The following TMEM167A variants were observed in gnomAD, a reference collection of about 807,000 sequenced individuals.
TMEM167A encodes transmembrane protein 167A.
Under a neutral mutation model 11.6 loss-of-function variants are expected in TMEM167A, and 8 were observed. The ratio of observed to expected loss-of-function variants is 0.69; its 90% CI spans 0.40 to 1.24. The LOEUF is 1.24. Ranked by LOEUF, TMEM167A falls within the 50% of genes most tolerant of loss-of-function variation. The pLI is 0.01. For missense variants in TMEM167A, 62 were observed against 87.0 expected (o/e 0.71, Z 1.14); for synonymous variants, 22 against 28.0 (o/e 0.79, Z 0.67).
intron 2 of TMEM167A, among the ~76,000 whole-genome samples, chr5:83,063,073 A>G (rs376222832): frequency 2.4e-4 from 37 of 152,230 alleles, no homozygotes; most frequent in African/African-American, 8.2e-4. Flanking sequence ...AATGGAATTA[A>G]GCAAAAACAT....
chr5:83,074,295 C>T (rs976796685), intron 1 of TMEM167A, among the ~76,000 whole-genome samples: 1 of 152,150 alleles, frequency 6.6e-6, no homozygotes, highest in Non-Finnish European at 1.5e-5. Context: ...GCTGTCCCAC[C>T]TCTAGCTAAT....
intron 3 of TMEM167A, 43 bp downstream of exon 3, chr5:83,061,834 C>A (rs372070567): frequency 1.3e-6 from 2 of 1,568,036 alleles, no homozygotes; most frequent in Non-Finnish European, 1.8e-6. Context: ...AATTGGTCAA[C>A]AATTTACAGC....
intron 2 of TMEM167A, 126 bp from the exon 3 acceptor site, chr5:83,062,037 T>A (rs1401022099): frequency 1.4e-6 from 1 of 739,158 alleles, no homozygotes; most frequent in African/African-American, 1.8e-5. Flanking sequence ...TGCTTCAAAT[T>A]TGAAATCTCC....
At chr5:83,075,419 T>C (rs535434026) in intron 1 of TMEM167A, among the ~76,000 whole-genome samples, 71 of 152,346 alleles carry the variant, frequency 4.7e-4, no homozygotes, top group African/African-American at 1.7e-3. Flanking sequence ...AAATTATTAC[T>C]GCTGATAAAC....
At chr5:83,060,176 T>G (rs1403693662) in intron 3 of TMEM167A, among the ~76,000 whole-genome samples, 1 of 151,846 alleles carries the variant, frequency 6.6e-6, no homozygotes. Context: ...AACACAATAC[T>G]CTAAAGGGAA....
At chr5:83,070,968 A>G (rs1744551299) in intron 1 of TMEM167A, among the ~76,000 whole-genome samples, 1 of 152,162 alleles carries the variant, frequency 6.6e-6, no homozygotes, top group Non-Finnish European at 1.5e-5. Context: ...GAAGGAAAAA[A>G]GGAATTATCC....
intron 3 of TMEM167A, among the ~76,000 whole-genome samples, chr5:83,058,882 T>C (rs752027225): frequency 2.0e-5 from 3 of 152,126 alleles, no homozygotes; most frequent in Non-Finnish European, 4.4e-5. Context: ...TATAAGTGAA[T>C]GTAAAACAGT....
chr5:83,057,045 T>C lies in TMEM167A; in HGVS notation c.*39A>G. Reference sequence around the variant, plus strand: ...TTCTGCAGTCAGTCCTTGTTCACAATCAAATCTGATGGCAACTACATTCTG... The same window carrying C: ...TTCTGCAGTCAGTCCTTGTTCACAACCAAATCTGATGGCAACTACATTCTG... On this transcript the variant is annotated 3_prime_UTR_variant, in exon 4 of 4. Coordinates refer to ENST00000502346, the MANE Select transcript of TMEM167A (RefSeq NM_174909.5). The C allele has an allele frequency of 6.3e-7, 1 of 1,581,908 alleles. No individual in the cohort carries two copies. The highest frequency in any genetic ancestry group is 8.7e-7 in the Non-Finnish European group (1 of 1,153,382).
At chr5:83,062,843 T>G (rs947626199) in intron 2 of TMEM167A, among the ~76,000 whole-genome samples, 2 of 149,818 alleles carry the variant, frequency 1.3e-5, no homozygotes, top group Non-Finnish European at 2.9e-5. Context: ...GAAAAATTTA[T>G]AGTATACTTT....
chr5:83,060,763 G>A (rs765718887), intron 3 of TMEM167A, among the ~76,000 whole-genome samples: 29 of 151,586 alleles, frequency 1.9e-4, no homozygotes, highest in African/African-American at 3.4e-4. Context: ...CCTGGGAGGC[G>A]GAGCTTGCAG....
rs952708954 is a variant in TMEM167A at position 83,056,130 on chromosome 5, A to G, written c.*954T>C. The G allele has an allele frequency of 7.9e-5, 12 of 152,030 alleles. No homozygotes were observed. Among genetic ancestry groups the G allele is most frequent in the African/African-American group, 2.9e-4 (12 of 41,424 alleles). The allele number at this position is 152,030 out of a possible 1,614,324, so 9.4% of individuals were successfully genotyped here. A position where few individuals can be genotyped will look rare whatever the true frequency, so the allele number is the denominator to read the frequency against. On this transcript the variant is annotated 3_prime_UTR_variant, in exon 4 of 4. Transcript: ENST00000502346. ...ATACAAATCAGCAGATTTGAAAACT[A>G]TTTATCACCTCCAAAGTAACAAAAG... is the stretch of plus-strand genomic sequence containing the variant.
chr5:83,071,771 G>T (rs1744564736), intron 1 of TMEM167A, among the ~76,000 whole-genome samples: 1 of 152,160 alleles, frequency 6.6e-6, no homozygotes, highest in Admixed American at 6.5e-5. Context: ...TTGAGAGCAA[G>T]AAATCAGGCT....
chr5:83,062,048 T>C, intron 2 of TMEM167A, 137 bp from the exon 3 acceptor site: 1 of 660,442 alleles, frequency 1.5e-6, no homozygotes, highest in Non-Finnish European at 2.6e-6. Context: ...TGAAATCTCC[T>C]TATTTGATGT....
In TMEM167A at chr5:83,077,260, T is replaced by C. The variant is rs36209438; in HGVS notation, c.3+61A>G. 7.4e-5 allele frequency: 119 copies of C among 1,613,712 alleles called. 1 individual carries two copies. The African/African-American group carries it at 1.4e-3, about 18-fold the overall frequency. ...CGGGCTGCCGCACAAACTCCAGCCC[T>C]AGTCTAGATCCACAACCCCTTCTCG... On this transcript the variant is annotated intron_variant, in intron 1 of 3. Transcript: ENST00000502346.
At chr5:83,065,805 A>C (rs1393002856) in intron 1 of TMEM167A, among the ~76,000 whole-genome samples, 37 of 152,210 alleles carry the variant, frequency 2.4e-4, no homozygotes, top group Admixed American at 2.4e-3. Context: ...AAAATTTAAC[A>C]CAAGAGTCAT....
chr5:83,057,340 TA>T (rs111952311), intron 3 of TMEM167A, among the ~76,000 whole-genome samples, 186 bp from the exon 4 acceptor site: 436 of 152,144 alleles, frequency 2.9e-3, no homozygotes, highest in African/African-American at 9.7e-3. Context: ...GCTAAACTAT[TA>T]ATATATCAAT....
chr5:83,058,471 T>TA (rs1744363316), intron 3 of TMEM167A, among the ~76,000 whole-genome samples: 2 of 151,916 alleles, frequency 1.3e-5, no homozygotes, highest in South Asian at 4.2e-4. Context: ...CTTTTAAAAT[T>TA]AAAAAAAATC....
At chr5:83,073,619 G>A (rs902545629) in intron 1 of TMEM167A, among the ~76,000 whole-genome samples, 1 of 152,228 alleles carries the variant, frequency 6.6e-6, no homozygotes, top group Non-Finnish European at 1.5e-5. Context: ...CCAGTGCAGA[G>A]CACTCAAACT....
chr5:83,076,929 A>C (rs1049115215), intron 1 of TMEM167A, among the ~76,000 whole-genome samples: 37 of 152,360 alleles, frequency 2.4e-4, no homozygotes, highest in Non-Finnish European at 3.8e-4. Context: ...AACTCCCCCC[A>C]AAAATCAAAC....
Sources: allele counts gnomAD v4.1 joint callset (sites outside exome capture counted in the v4.1 genomes callset), GRCh38; gene constraint gnomAD v4.1.1; transcripts MANE v1.5; gene names NCBI Gene and HGNC (gene_info 2026-07-23, HGNC 2026-07-21).